Variants in WFDC1 observed in about 807,000 individuals in gnomAD.
The protein encoded by WFDC1 is WAP four-disulfide core domain protein 1.
A neutral mutation model predicts 32.9 loss-of-function variants in WFDC1; 39 were observed. That is an observed-to-expected ratio of 1.19 (90% confidence interval 0.92 to 1.55). WFDC1 has a LOEUF of 1.55. Among genes scored for constraint, WFDC1 ranks in the 40% most tolerant of loss-of-function variants. The pLI is 0.00. For missense variants in WFDC1, 386 were observed against 309.5 expected (o/e 1.25, Z -1.85); for synonymous variants, 184 against 137.4 (o/e 1.34, Z -2.37).
chr16:84,308,464 C>T (rs533818553), intron 1 of WFDC1, among the ~76,000 whole-genome samples: 7 of 152,324 alleles, frequency 4.6e-5, no homozygotes, highest in African/African-American at 1.7e-4. Context: ...AAGAATCATA[C>T]TAGAAACATC....
intron 1 of WFDC1, among the ~76,000 whole-genome samples, chr16:84,312,159 C>G (rs1323554141): frequency 6.6e-6 from 1 of 152,150 alleles, no homozygotes; most frequent in Non-Finnish European, 1.5e-5. Context: ...GAGCGAAACT[C>G]CGTCTCAAAA....
chr16:84,295,347 C>T, intron 1 of WFDC1: 1 of 526,432 alleles, frequency 1.9e-6, no homozygotes. Context: ...ACAAATGTGC[C>T]AAAGAATCGT....
At chr16:84,322,365 ATC>A (rs1172853732) in intron 4 of WFDC1, among the ~76,000 whole-genome samples, 1 of 152,184 alleles carries the variant, frequency 6.6e-6, no homozygotes, top group Non-Finnish European at 1.5e-5. Context: ...TGGAGCAAAA[ATC>A]TCAGGGGAAG....
intron 4 of WFDC1, among the ~76,000 whole-genome samples, chr16:84,322,212 C>T (rs374317181): frequency 4.9e-5 from 7 of 143,080 alleles, no homozygotes; most frequent in South Asian, 2.3e-4. Context: ...CCCAAATGAA[C>T]GATTTGAGGC....
intron 3 of WFDC1, 158 bp downstream of exon 3, chr16:84,318,513 AG>A (rs1253497480): frequency 4.6e-6 from 3 of 657,784 alleles, no homozygotes; most frequent in African/African-American, 3.6e-5. Flanking sequence ...CCAGCGAAGA[AG>A]GGCTGATGGC....
At chr16:84,316,912 A>C (rs1345870552) in intron 2 of WFDC1, 1 of 151,824 alleles carries the variant, frequency 6.6e-6, no homozygotes, top group Non-Finnish European at 1.5e-5. Context: ...CGGAAGGCAG[A>C]GGTTGCAATG....
chr16:84,314,123 C>G (rs987252331), intron 2 of WFDC1, among the ~76,000 whole-genome samples: 1 of 152,152 alleles, frequency 6.6e-6, no homozygotes, highest in African/African-American at 2.4e-5. Flanking sequence ...CTCAGCACTG[C>G]GCGGGGCTGG....
At chr16:84,315,209 C>T (rs1907877628) in intron 2 of WFDC1, among the ~76,000 whole-genome samples, 1 of 152,234 alleles carries the variant, frequency 6.6e-6, no homozygotes, top group Non-Finnish European at 1.5e-5. Context: ...ACTTCCTTGC[C>T]TCCTTTAGAC....
At chr16:84,319,691 T>A in intron 4 of WFDC1, 120 bp downstream of exon 4, 1 of 1,303,222 alleles carries the variant, frequency 7.7e-7, no homozygotes, top group Non-Finnish European at 1.0e-6. Flanking sequence ...TGGGCCTGAC[T>A]GAGAGCTCCT....
intron 4 of WFDC1, among the ~76,000 whole-genome samples, chr16:84,321,406 G>C (rs1329991441): frequency 2.0e-5 from 3 of 152,246 alleles, no homozygotes; most frequent in Non-Finnish European, 4.4e-5. Context: ...CAGCCACTGT[G>C]AGGCTGCTGG....
Position 84,315,839 on chromosome 16 carries a change from CT to C in WFDC1, c.338-2432del, listed in dbSNP as rs531160648. Reference sequence around the variant, plus strand: ...TCTTCATTGCCATCTGGATTTGGGTCTGTCCAAAGCAGACCCAGAGACAAGG... The same window carrying C: ...TCTTCATTGCCATCTGGATTTGGGTCGTCCAAAGCAGACCCAGAGACAAGG... On this transcript the variant is annotated intron_variant, in intron 2 of 6. Transcript: ENST00000219454. 3.0e-3 allele frequency among the ~76,000 whole-genome samples: 450 copies of C among 152,312 alleles called. 2 individuals are homozygous for C. The highest frequency in any genetic ancestry group is 9.6e-3 in the African/African-American group (400 of 41,560).
intron 1 of WFDC1, among the ~76,000 whole-genome samples, chr16:84,303,626 C>G (rs1325913935): frequency 1.3e-5 from 2 of 152,158 alleles, no homozygotes; most frequent in African/African-American, 4.8e-5. Flanking sequence ...CACGTGTTTT[C>G]TCTTAGTGGT....
intron 1 of WFDC1, among the ~76,000 whole-genome samples, chr16:84,300,161 A>G (rs556315971): frequency 6.6e-6 from 1 of 152,378 alleles, no homozygotes; most frequent in South Asian, 2.1e-4. Context: ...TACCGTAAGC[A>G]TCTGTGTCTG....
At chr16:84,308,317 C>G (rs1048165111) in intron 1 of WFDC1, among the ~76,000 whole-genome samples, 1 of 152,164 alleles carries the variant, frequency 6.6e-6, no homozygotes, top group Admixed American at 6.5e-5. Flanking sequence ...CTGGTGCCCC[C>G]TGCAGGGCAC....
intron 1 of WFDC1, among the ~76,000 whole-genome samples, chr16:84,297,895 C>G (rs763193945): frequency 5.9e-5 from 9 of 152,122 alleles, no homozygotes; most frequent in Non-Finnish European, 1.2e-4. Flanking sequence ...AAGCAGCCCC[C>G]ACATGCACAA....
intron 1 of WFDC1, among the ~76,000 whole-genome samples, chr16:84,305,575 G>A (rs1034245402): frequency 3.3e-5 from 5 of 152,176 alleles, no homozygotes; most frequent in Non-Finnish European, 7.3e-5. Flanking sequence ...CTAACCTAAC[G>A]CTATGGAGAT....
intron 3 of WFDC1, chr16:84,319,094 T>C (rs527825555): frequency 1.4e-5 from 5 of 363,084 alleles, no homozygotes; most frequent in Admixed American, 8.8e-5. Flanking sequence ...TGTGTAAATG[T>C]CTGTGTCCCC....
chr16:84,295,158 G>A, intron 1 of WFDC1, 43 bp downstream of exon 1: 1 of 1,604,984 alleles, frequency 6.2e-7, no homozygotes, highest in African/African-American at 1.3e-5. Context: ...CTGTGTGGGT[G>A]GGAGTCAGCC....
Position 84,319,450 on chromosome 16 carries a change from G to C in WFDC1, c.441G>C (p.Thr147=), listed in dbSNP as rs200578032. Residue 147 remains threonine, a synonymous_variant, in exon 4 of 7, where the codon ACG becomes ACC. Transcript: ENST00000219454. ...EVLQAEACST[T]EDGAEPLLCP... is the part of the protein sequence containing the mutation. Reference sequence around the variant, plus strand: ...CTGCAGCAGAGGCGTGCAGCACCACGGAGGATGGGGCCGAACCCCTGCTCT... The same window carrying C: ...CTGCAGCAGAGGCGTGCAGCACCACCGAGGATGGGGCCGAACCCCTGCTCT... 2 of 1,611,146 alleles carry C rather than the reference G, an allele frequency of 1.2e-6. No homozygotes were observed. Among genetic ancestry groups the C allele is most frequent in the South Asian group, 2.2e-5 (2 of 91,088 alleles).
Sources: allele counts gnomAD v4.1 joint callset (sites outside exome capture counted in the v4.1 genomes callset), GRCh38; gene constraint gnomAD v4.1.1; transcripts MANE v1.5; gene names NCBI Gene and HGNC (gene_info 2026-07-23, HGNC 2026-07-21).